The following DPP10 variants were observed in gnomAD, a reference collection of about 807,000 sequenced individuals.
DPP10 encodes inactive dipeptidyl peptidase 10.
A neutral mutation model predicts 120.9 loss-of-function variants in DPP10; 33 were observed. The observed-to-expected ratio is 0.27, with a 90% CI of 0.21 to 0.37. DPP10 has a LOEUF of 0.37. Ranked by LOEUF, DPP10 falls within the 10% of genes least tolerant of loss-of-function variation. DPP10 has a pLI of 1.00. For missense variants in DPP10, 816 were observed against 942.8 expected (o/e 0.87, Z 1.76); for synonymous variants, 337 against 326.1 (o/e 1.03, Z -0.36).
At chr2:115,369,029 G>C (rs746493456) in intron 3 of DPP10, among the ~76,000 whole-genome samples, 1 of 152,034 alleles carries the variant, frequency 6.6e-6, no homozygotes, top group African/African-American at 2.4e-5. Flanking sequence ...GATAGGCTCT[G>C]CATATATTAA....
At chr2:114,692,354 C>G (rs1699811181) in intron 1 of DPP10, among the ~76,000 whole-genome samples, 1 of 152,034 alleles carries the variant, frequency 6.6e-6, no homozygotes, top group East Asian at 1.9e-4. Flanking sequence ...AAGAGTCATT[C>G]AGGAGCAGGT....
At chr2:114,501,433 T>G (rs1573505546) in intron 1 of DPP10, among the ~76,000 whole-genome samples, 1 of 152,136 alleles carries the variant, frequency 6.6e-6, no homozygotes, top group African/African-American at 2.4e-5. Context: ...ATTAAAAAAT[T>G]TTGTTGTCCT....
rs536625928 is a variant in DPP10 at position 115,333,464 on chromosome 2, G to T, written c.176-10353G>T. Among the ~76,000 whole-genome samples, 55 of 152,110 alleles carry T rather than the reference G, an allele frequency of 3.6e-4. No individual in the cohort carries two copies. In the East Asian group the frequency reaches 6.0e-3, roughly 17 times the overall value. On this transcript the variant is annotated intron_variant, in intron 2 of 25. Transcript: ENST00000410059. ...GTTATGTGTGAATTTGATCCTGTCAGTATGATGTTAGCTGGTTATTTTGCT... is the reference window on the plus strand; with the variant it reads ...GTTATGTGTGAATTTGATCCTGTCATTATGATGTTAGCTGGTTATTTTGCT...
intron 1 of DPP10, among the ~76,000 whole-genome samples, chr2:114,945,480 G>A (rs983278678): frequency 5.9e-5 from 9 of 152,086 alleles, no homozygotes; most frequent in Non-Finnish European, 1.3e-4. Flanking sequence ...AGCATATGAA[G>A]ACTCTCAACA....
At chr2:115,530,288 T>G (rs909596684) in intron 5 of DPP10, among the ~76,000 whole-genome samples, 1 of 152,064 alleles carries the variant, frequency 6.6e-6, no homozygotes, top group Non-Finnish European at 1.5e-5. Context: ...TTCAAGAAAT[T>G]TATAACCAGG....
intron 1 of DPP10, among the ~76,000 whole-genome samples, chr2:114,501,276 A>G (rs762140182): frequency 5.3e-5 from 8 of 152,198 alleles, no homozygotes; most frequent in Non-Finnish European, 1.2e-4. Flanking sequence ...TATTGTGGAC[A>G]TTAGAGAAAT....
At chr2:114,762,379 A>G (rs1327743255) in intron 1 of DPP10, among the ~76,000 whole-genome samples, 3 of 152,210 alleles carry the variant, frequency 2.0e-5, no homozygotes, top group Non-Finnish European at 4.4e-5. Flanking sequence ...TAATGGTATA[A>G]ACAACTAAGA....
At chr2:115,656,383 A>T (rs931247910) in intron 5 of DPP10, among the ~76,000 whole-genome samples, 1 of 150,876 alleles carries the variant, frequency 6.6e-6, no homozygotes, top group African/African-American at 2.4e-5. Context: ...ATTGGTGCTA[A>T]TTTTTTTTTA....
At chr2:115,235,741 A>G (rs2057967174) in intron 1 of DPP10, among the ~76,000 whole-genome samples, 1 of 152,076 alleles carries the variant, frequency 6.6e-6, no homozygotes, top group African/African-American at 2.4e-5. Flanking sequence ...TTGTATATTT[A>G]GCAGAGATGG....
intron 3 of DPP10, among the ~76,000 whole-genome samples, chr2:115,424,129 A>G (rs1366724436): frequency 6.6e-6 from 1 of 152,198 alleles, no homozygotes; most frequent in African/African-American, 2.4e-5. Flanking sequence ...ACATTATGAC[A>G]AGAAATACCC....
rs1410424961 is a variant in DPP10, at chr2:115,843,556, T to G, written c.*1211T>G. On this transcript the variant is annotated 3_prime_UTR_variant, in exon 26 of 26. Coordinates refer to ENST00000410059, the MANE Select transcript of DPP10 (RefSeq NM_020868.6). Reference sequence around the variant, plus strand: ...CTGGTGAGAATTAGAAATGAAATATTTTTTATTCATTGGCCAAAAAGTTCA... The same window carrying G: ...CTGGTGAGAATTAGAAATGAAATATGTTTTATTCATTGGCCAAAAAGTTCA... 1 of 152,210 alleles carries G rather than the reference T, an allele frequency of 6.6e-6. No individual in the cohort carries two copies. The highest frequency in any genetic ancestry group is 1.5e-5 in the Non-Finnish European group (1 of 68,030). 9.4% of individuals were successfully genotyped at this position (152,210 alleles called of 1,614,324 possible). A position where few individuals can be genotyped will look rare whatever the true frequency, so the allele number is the denominator to read the frequency against.
intron 3 of DPP10, among the ~76,000 whole-genome samples, chr2:115,375,198 C>A (rs542647977): frequency 1.3e-5 from 2 of 152,326 alleles, no homozygotes; most frequent in South Asian, 4.1e-4. Flanking sequence ...TTAGGAGCAT[C>A]CAGGTCACAT....
intron 9 of DPP10, among the ~76,000 whole-genome samples, chr2:115,742,161 G>C (rs932154708): frequency 6.6e-6 from 1 of 151,946 alleles, no homozygotes; most frequent in African/African-American, 2.4e-5. Context: ...AATAGATTCT[G>C]AAAGGCTTAG....
chr2:115,814,518 C>A (rs1404593294), intron 19 of DPP10: 11 of 227,460 alleles, frequency 4.8e-5, no homozygotes, highest in Non-Finnish European at 8.5e-5. Flanking sequence ...CTTCATTTTT[C>A]CCCATTGAGA....
chr2:115,722,845 T>C (rs575964137), intron 7 of DPP10, among the ~76,000 whole-genome samples: 15 of 152,290 alleles, frequency 9.8e-5, no homozygotes, highest in African/African-American at 3.6e-4. Flanking sequence ...GTGGTCCAGA[T>C]AGAAGAGATT....
At chr2:115,705,166 C>T (rs561778309) in intron 7 of DPP10, among the ~76,000 whole-genome samples, 1 of 152,012 alleles carries the variant, frequency 6.6e-6, no homozygotes, top group Non-Finnish European at 1.5e-5. Context: ...TCTCTTACTT[C>T]ATTACTAATA....
intron 5 of DPP10, among the ~76,000 whole-genome samples, chr2:115,647,840 A>C (rs578059552): frequency 6.6e-6 from 1 of 152,240 alleles, no homozygotes; most frequent in Non-Finnish European, 1.5e-5. Flanking sequence ...AACAGCTCTC[A>C]TTGCTTAAGC....
At chr2:114,708,825 G>C (rs1403765232) in intron 1 of DPP10, among the ~76,000 whole-genome samples, 1 of 151,982 alleles carries the variant, frequency 6.6e-6, no homozygotes, top group African/African-American at 2.4e-5. Flanking sequence ...GCACAATCTT[G>C]GCTCATTGCA....
intron 3 of DPP10, among the ~76,000 whole-genome samples, chr2:115,411,690 G>A (rs1344421116): frequency 2.6e-5 from 4 of 152,142 alleles, no homozygotes; most frequent in African/African-American, 4.8e-5. Context: ...GCCTTCTATT[G>A]AAGAGCTGAA....
Sources: allele counts gnomAD v4.1 joint callset (sites outside exome capture counted in the v4.1 genomes callset), GRCh38; gene constraint gnomAD v4.1.1; transcripts MANE v1.5; gene names NCBI Gene and HGNC (gene_info 2026-07-23, HGNC 2026-07-21).